JARID2: variants seen among roughly 807,000 people sequenced by gnomAD.
The protein encoded by JARID2 is jumonji and AT-rich interaction domain containing 2.
JARID2 carries 21 observed loss-of-function variants against 125.6 expected under a neutral mutation model. That is an observed-to-expected ratio of 0.17 (90% CI 0.12 to 0.24). The LOEUF is 0.24. Ranked by LOEUF, JARID2 falls within the 10% of genes least tolerant of loss-of-function variation. The pLI is 1.00. For missense variants in JARID2, 1,303 were observed against 1,639.6 expected (o/e 0.79, Z 3.55); for synonymous variants, 736 against 661.6 (o/e 1.11, Z -1.73).
At chr6:15,434,892 CT>C (rs2127606475) in intron 3 of JARID2, among the ~76,000 whole-genome samples, 1 of 152,200 alleles carries the variant, frequency 6.6e-6, no homozygotes, top group African/African-American at 2.4e-5. Flanking sequence ...TTTGGGTTTC[CT>C]TCAATAGAAA....
At chr6:15,500,858 C>G (rs778361912) in intron 7 of JARID2, 49 bp from the exon 8 acceptor site, 1 of 1,502,528 alleles carries the variant, frequency 6.7e-7, no homozygotes, top group Admixed American at 1.9e-5. Flanking sequence ...ACATCTTGTT[C>G]GTGTCTCTTT....
rs758982169 is a variant in JARID2 at position 15,507,409 on chromosome 6, T to C, written c.2724T>C (p.Ala908=). The C allele has an allele frequency of 1.9e-6, 3 of 1,613,998 alleles. No individual in the cohort carries two copies. The South Asian group carries it at 3.3e-5, about 18-fold the overall frequency. ...GGTCCATCCTGCGTCACCTCGGTGC[T>C]GTGCCTGGTAAGCCTGACTGTGGCC... ...NTGSILRHLG[A]VPGVTIPWLN... is the part of the protein sequence containing the mutation. The change falls in exon 11 of 18, where the codon GCT becomes GCC. Residue 908 remains alanine, a synonymous_variant. Coordinates refer to ENST00000341776, the MANE Select transcript of JARID2 (RefSeq NM_004973.4).
At chr6:15,469,302 CTGTCTCTCTCTCTCTG>C (rs1768913600) in intron 5 of JARID2, among the ~76,000 whole-genome samples, 5 of 37,150 alleles carry the variant, frequency 1.3e-4, no homozygotes, top group Non-Finnish European at 2.7e-4. Context: ...CTCTCTGTCT[CTGTCTCTCTCTCTCTG>C]TCTCTCTCTC....
At position 15,507,427 on chromosome 6, in the gene JARID2, CTG is replaced by C. The variant is rs747063955; in HGVS notation, c.2731+14_2731+15del. The C allele has an allele frequency of 1.2e-6, 2 of 1,611,662 alleles. No homozygotes were observed. Among genetic ancestry groups the C allele is most frequent in the South Asian group, 2.2e-5 (2 of 90,948 alleles). On this transcript the variant is annotated intron_variant, in intron 11 of 17. Coordinates refer to ENST00000341776, the MANE Select transcript of JARID2 (RefSeq NM_004973.4). ...TCGGTGCTGTGCCTGGTAAGCCTGACTGTGGCCGCCTGCCTGTGGCAGCTGTG... is the reference window on the plus strand; with the variant it reads ...TCGGTGCTGTGCCTGGTAAGCCTGACTGGCCGCCTGCCTGTGGCAGCTGTG...
At chr6:15,383,401 GA>G (rs745599592) in intron 2 of JARID2, among the ~76,000 whole-genome samples, 8 of 151,656 alleles carry the variant, frequency 5.3e-5, no homozygotes, top group Non-Finnish European at 5.9e-5. Flanking sequence ...CATCACACTG[GA>G]AATTATCCCT....
At position 15,520,946 on chromosome 6, in the gene JARID2, C is replaced by T. The variant is rs1581681706; in HGVS notation, c.*695C>T. 1 of 415,496 alleles carries T rather than the reference C, an allele frequency of 2.4e-6. No homozygotes were observed. Among genetic ancestry groups the T allele is most frequent in the Non-Finnish European group, 5.0e-6 (1 of 201,968 alleles). 25.7% of individuals were successfully genotyped at this position (415,496 alleles called of 1,614,324 possible). A position where few individuals can be genotyped will look rare whatever the true frequency, so the allele number is the denominator to read the frequency against. On this transcript the variant is annotated 3_prime_UTR_variant, in exon 18 of 18. Transcript: ENST00000341776. ...AAGCGAGCGAGGAAGACGGAAAAGA[C>T]TGCCTGCCTTGGAGGGGTCACATGA...
At chr6:15,261,771 T>A (rs1422020538) in intron 1 of JARID2, among the ~76,000 whole-genome samples, 1 of 150,938 alleles carries the variant, frequency 6.6e-6, no homozygotes, top group Non-Finnish European at 1.5e-5. Context: ...ATACCTTATA[T>A]ACAAATTCAG....
At chr6:15,457,815 G>A (rs1768257677) in intron 4 of JARID2, among the ~76,000 whole-genome samples, 1 of 152,152 alleles carries the variant, frequency 6.6e-6, no homozygotes, top group African/African-American at 2.4e-5. Context: ...GATTAGTATA[G>A]ATATGTAAAC....
intron 7 of JARID2, among the ~76,000 whole-genome samples, chr6:15,500,182 T>G (rs1770664802): frequency 6.6e-6 from 1 of 152,322 alleles, no homozygotes; most frequent in South Asian, 2.1e-4. Context: ...TTGATGTGCA[T>G]TTGCGCTGCT....
chr6:15,428,252 ATCT>A (rs768357961), intron 3 of JARID2, among the ~76,000 whole-genome samples: 3 of 148,624 alleles, frequency 2.0e-5, no homozygotes, highest in African/African-American at 5.0e-5. Flanking sequence ...CAATGATAGA[ATCT>A]TCTTTTTTTG....
At chr6:15,298,402 C>A (rs2127406635) in intron 1 of JARID2, among the ~76,000 whole-genome samples, 1 of 152,062 alleles carries the variant, frequency 6.6e-6, no homozygotes, top group Non-Finnish European at 1.5e-5. Flanking sequence ...CCATGGGTAT[C>A]TTTTCGGGCT....
At chr6:15,370,749 C>A (rs1764137669) in intron 1 of JARID2, among the ~76,000 whole-genome samples, 1 of 152,178 alleles carries the variant, frequency 6.6e-6, no homozygotes, top group African/African-American at 2.4e-5. Context: ...TTCTGGCCTT[C>A]CTCTCCCCCA....
rs188244296 is a variant in JARID2 at position 15,315,674 on chromosome 6, G to A, written c.46-58443G>A. Among the ~76,000 whole-genome samples the A allele has an allele frequency of 4.0e-3, 613 of 152,266 alleles. 4 individuals carry two copies. The highest frequency in any genetic ancestry group is 3.8e-3 in the Non-Finnish European group (260 of 68,034). On this transcript the variant is annotated intron_variant, in intron 1 of 17. Transcript: ENST00000341776. ...TAGGCTGCAAATCCCTAGAAGTTGT[G>A]GTTGTCCGGAAGTTACCAAAATAAA... is the stretch of plus-strand genomic sequence containing the variant.
chr6:15,319,998 T>C (rs575855969), intron 1 of JARID2, among the ~76,000 whole-genome samples: 1 of 152,276 alleles, frequency 6.6e-6, no homozygotes, highest in East Asian at 1.9e-4. Context: ...TGTTAGGGAG[T>C]GTATCTATGT....
rs368100696 is a variant in JARID2, at chr6:15,502,907, T to G, written c.2448+1498T>G. 1.4e-4 allele frequency among the ~76,000 whole-genome samples: 21 copies of G among 152,378 alleles called. No homozygotes were observed. The East Asian group carries it at 3.9e-3, about 28-fold the overall frequency. On this transcript the variant is annotated intron_variant, in intron 8 of 17. Coordinates refer to ENST00000341776, the MANE Select transcript of JARID2 (RefSeq NM_004973.4). Reference sequence around the variant, plus strand: ...TTTATTTGGTGTTTCCTGAATGTTTTACTGAGAAGCCTTTGTCAAGTAAAG... The same window carrying G: ...TTTATTTGGTGTTTCCTGAATGTTTGACTGAGAAGCCTTTGTCAAGTAAAG...
At chr6:15,402,671 T>G (rs552001985) in intron 2 of JARID2, among the ~76,000 whole-genome samples, 1 of 152,358 alleles carries the variant, frequency 6.6e-6, no homozygotes, top group African/African-American at 2.4e-5. Flanking sequence ...CTAAGCCCAC[T>G]GTCGCCTTGA....
intron 1 of JARID2, among the ~76,000 whole-genome samples, chr6:15,334,289 G>A (rs1762809100): frequency 6.6e-6 from 1 of 151,748 alleles, no homozygotes; most frequent in South Asian, 2.1e-4. Flanking sequence ...AATCACAGGG[G>A]TTCCTATGGA....
intron 1 of JARID2, among the ~76,000 whole-genome samples, chr6:15,320,531 A>G (rs1204905842): frequency 1.3e-5 from 2 of 152,284 alleles, no homozygotes; most frequent in East Asian, 3.9e-4. Context: ...CCATACATAA[A>G]TGTGATTTGT....
At chr6:15,252,060 CCAGA>C in intron 1 of JARID2, among the ~76,000 whole-genome samples, 1 of 152,210 alleles carries the variant, frequency 6.6e-6, no homozygotes, top group African/African-American at 2.4e-5. Context: ...AAAATGTGGG[CCAGA>C]CATTTTTAAG....
Sources: allele counts gnomAD v4.1 joint callset (sites outside exome capture counted in the v4.1 genomes callset), GRCh38; gene constraint gnomAD v4.1.1; transcripts MANE v1.5; gene names NCBI Gene and HGNC (gene_info 2026-07-23, HGNC 2026-07-21).